The following TMOD3 variants were observed in gnomAD, a reference collection of about 807,000 sequenced individuals.
TMOD3 encodes tropomodulin-3.
In TMOD3, 20 loss-of-function variants were observed where a neutral mutation model predicts 39.2. The ratio of observed to expected loss-of-function variants is 0.51; its 90% CI spans 0.36 to 0.74. TMOD3 has a LOEUF of 0.74. Ranked by LOEUF, TMOD3 falls within the 30% of genes least tolerant of loss-of-function variation. The probability of loss-of-function intolerance (pLI) is 0.00; values close to 1 mark genes in which losing one functional copy is unlikely to be tolerated. For missense variants in TMOD3, 381 were observed against 412.8 expected (o/e 0.92, Z 0.67); for synonymous variants, 143 against 145.8 (o/e 0.98, Z 0.14).
rs185662174 is a variant in TMOD3, at chr15:51,875,718, C to T, written c.283+6345C>T. On this transcript the variant is annotated intron_variant, in intron 3 of 9. Transcript: ENST00000308580. ...GCAAGTTCCACCTCCTGGGTTCATG[C>T]CATTCACCTGCCTCAGCCTCCCAAG... Among the ~76,000 whole-genome samples, 26 of 150,396 alleles carry T rather than the reference C, an allele frequency of 1.7e-4. No individual in the cohort carries two copies. In the East Asian group the frequency reaches 5.1e-3, roughly 30 times the overall value.
At chr15:51,872,404 A>G (rs936961963) in intron 3 of TMOD3, among the ~76,000 whole-genome samples, 5 of 151,904 alleles carry the variant, frequency 3.3e-5, no homozygotes, top group African/African-American at 1.2e-4. Flanking sequence ...AAAAAAAAAA[A>G]GGTAACATCA....
At chr15:51,837,667 C>T (rs952246848) in intron 1 of TMOD3, among the ~76,000 whole-genome samples, 3 of 152,162 alleles carry the variant, frequency 2.0e-5, no homozygotes, top group Non-Finnish European at 2.9e-5. Flanking sequence ...GCCTTCGGGG[C>T]AGGTGGGCTC....
At chr15:51,862,496 A>G (rs2056424194) in intron 1 of TMOD3, among the ~76,000 whole-genome samples, 1 of 152,222 alleles carries the variant, frequency 6.6e-6, no homozygotes, top group African/African-American at 2.4e-5. Flanking sequence ...AAAGCTATTG[A>G]TGGAAAATCT....
intron 1 of TMOD3, among the ~76,000 whole-genome samples, chr15:51,832,203 T>TTATATATATATATATATATATATA (rs3985812): frequency 0.016 from 1,234 of 78,786 alleles, 74 homozygotes; most frequent in Non-Finnish European, 0.021. Context: ...AGAAAAAAAA[T>TTATATATATATATATATATATATA]TATATATATA....
intron 3 of TMOD3, among the ~76,000 whole-genome samples, chr15:51,881,038 G>T (rs2056530613): frequency 6.6e-6 from 1 of 152,138 alleles, no homozygotes; most frequent in African/African-American, 2.4e-5. Flanking sequence ...TTGTGGTTTT[G>T]ATTTGCATTT....
chr15:51,893,872 A>T lies in TMOD3; in HGVS notation c.554A>T (p.Asn185Ile). 1 of 1,611,326 alleles carries T rather than the reference A, an allele frequency of 6.2e-7. No homozygotes were observed. The highest frequency in any genetic ancestry group is 8.5e-7 in the Non-Finnish European group (1 of 1,178,282). Residue 185 changes from asparagine (N) to isoleucine (I), a missense_variant, in exon 6 of 10, where the codon AAT becomes ATT. Asn to Ile is a moderately radical substitution (Grantham distance 149, BLOSUM62 -3). Coordinates refer to ENST00000308580, the MANE Select transcript of TMOD3 (RefSeq NM_014547.5). The part of the protein sequence containing the change: ...PVFDEPPNPT[N>I]VEESLKRTKE... ...TTTGATGAGCCACCAAATCCAACCA[A>T]TGTAGAAGAGAGTTTGAAGAGAACT...
chr15:51,869,704 T>G (rs951215130), intron 3 of TMOD3, among the ~76,000 whole-genome samples: 3 of 152,232 alleles, frequency 2.0e-5, no homozygotes, highest in African/African-American at 7.2e-5. Context: ...TGTTAAGGCA[T>G]CTATTCTAAC....
chr15:51,906,073 A>G (rs1037877988), intron 9 of TMOD3, among the ~76,000 whole-genome samples: 8 of 152,104 alleles, frequency 5.3e-5, no homozygotes, highest in African/African-American at 1.9e-4. Context: ...GAAGGTAACA[A>G]GTGAGCACCA....
Position 51,857,744 on chromosome 15 carries a change from A to G in TMOD3, c.-74-5067A>G, listed in dbSNP as rs371553598. On this transcript the variant is annotated intron_variant, in intron 1 of 9. Coordinates refer to ENST00000308580, the MANE Select transcript of TMOD3 (RefSeq NM_014547.5). ...TATTAAAGCACATTAAAAACTTTTA[A>G]AACAGTAATTATCCAAACATTAAAA... Among the ~76,000 whole-genome samples the G allele has an allele frequency of 3.2e-4, 49 of 152,310 alleles. No homozygotes were observed. In the East Asian group the frequency reaches 8.7e-3, roughly 27 times the overall value.
At chr15:51,860,599 A>C (rs1004550297) in intron 1 of TMOD3, 1 of 553,152 alleles carries the variant, frequency 1.8e-6, no homozygotes, top group Admixed American at 1.9e-5. Flanking sequence ...ATGGCAGAGA[A>C]TACCTTGCTA....
chr15:51,893,764 C>A (rs1219746581), intron 5 of TMOD3, 51 bp from the exon 6 acceptor site: 25 of 1,244,488 alleles, frequency 2.0e-5, no homozygotes, highest in African/African-American at 9.6e-5. Context: ...GACTCCGTCT[C>A]AAAAAAAAAA....
chr15:51,887,581 T>C lies in TMOD3; in HGVS notation c.284-8T>C. On this transcript the variant is annotated splice_polypyrimidine_tract_variant and splice_region_variant and intron_variant, in intron 3 of 9. Transcript: ENST00000308580. ...GTAATGGAATTAACAAAATGCTTTA[T>C]TTTACAGGGAAAATATTTATCCCCA... 6.2e-7 allele frequency: 1 copy of C among 1,609,326 alleles called. No individual in the cohort carries two copies. The highest frequency in any genetic ancestry group is 8.5e-7 in the Non-Finnish European group (1 of 1,178,828).
intron 3 of TMOD3, among the ~76,000 whole-genome samples, chr15:51,886,882 C>G (rs1188648081): frequency 1.3e-5 from 2 of 152,282 alleles, no homozygotes; most frequent in South Asian, 2.1e-4. Context: ...TCATAATTGT[C>G]TCTGCTATCC....
intron 5 of TMOD3, among the ~76,000 whole-genome samples, chr15:51,890,382 G>A (rs967205722): frequency 1.4e-5 from 2 of 146,094 alleles, no homozygotes; most frequent in Admixed American, 6.9e-5. Flanking sequence ...TTGCGATGTT[G>A]GCCAGGCTGG....
At chr15:51,867,115 AG>A (rs1308930911) in intron 2 of TMOD3, among the ~76,000 whole-genome samples, 11 of 152,094 alleles carry the variant, frequency 7.2e-5, no homozygotes, top group Non-Finnish European at 2.9e-5. Context: ...TGGAATGGAG[AG>A]GGTGTGTGAG....
At chr15:51,885,862 C>T (rs1382517985) in intron 3 of TMOD3, among the ~76,000 whole-genome samples, 5 of 150,136 alleles carry the variant, frequency 3.3e-5, no homozygotes, top group South Asian at 2.1e-4. Context: ...CCAGACGGGG[C>T]GGCCGGGCAG....
intron 3 of TMOD3, among the ~76,000 whole-genome samples, chr15:51,869,868 CT>C (rs2056466252): frequency 6.6e-6 from 1 of 152,220 alleles, no homozygotes; most frequent in East Asian, 1.9e-4. Flanking sequence ...TAGTCCAAGT[CT>C]CCCCCATTTA....
intron 3 of TMOD3, among the ~76,000 whole-genome samples, chr15:51,871,681 C>T (rs988146549): frequency 8.6e-5 from 13 of 151,918 alleles, no homozygotes; most frequent in South Asian, 2.1e-4. Flanking sequence ...AGAAGAATTA[C>T]GGAAAATAAG....
chr15:51,857,437 T>C (rs2056393861), intron 1 of TMOD3, among the ~76,000 whole-genome samples: 2 of 152,218 alleles, frequency 1.3e-5, no homozygotes, highest in Admixed American at 1.3e-4. Flanking sequence ...AGCAATGTAT[T>C]GGAGTAAGCT....
Sources: allele counts gnomAD v4.1 joint callset (sites outside exome capture counted in the v4.1 genomes callset), GRCh38; gene constraint gnomAD v4.1.1; transcripts MANE v1.5; gene names NCBI Gene and HGNC (gene_info 2026-07-23, HGNC 2026-07-21).